Variants in ELMO1 observed in about 807,000 individuals in gnomAD.
ELMO1 encodes engulfment and cell motility 1.
ELMO1 carries 26 observed loss-of-function variants against 98.9 expected under a neutral mutation model. That is an observed-to-expected ratio of 0.26 (90% confidence interval 0.19 to 0.36). The LOEUF (loss-of-function observed/expected upper bound fraction) is 0.36. Ranked by LOEUF, ELMO1 falls within the 10% of genes least tolerant of loss-of-function variation. ELMO1 has a pLI of 1.00. For synonymous variants in ELMO1, 346 were observed against 346.0 expected (o/e 1.00, Z 0.00); for missense variants, 627 against 935.2 (o/e 0.67, Z 4.30).
At chr7:37,440,761 T>C in intron 1 of ELMO1, among the ~76,000 whole-genome samples, 1 of 128,824 alleles carries the variant, frequency 7.8e-6, no homozygotes, top group South Asian at 2.4e-4. Flanking sequence ...AGAGTGAGAC[T>C]CCATCTCAAA....
chr7:37,398,776 G>T (rs1457792431), intron 1 of ELMO1, among the ~76,000 whole-genome samples: 1 of 152,154 alleles, frequency 6.6e-6, no homozygotes, highest in East Asian at 1.9e-4. Context: ...TGACCCTTCT[G>T]CTAGACTCAG....
chr7:37,127,070 G>C (rs1786575223), intron 14 of ELMO1, among the ~76,000 whole-genome samples: 2 of 152,154 alleles, frequency 1.3e-5, no homozygotes. Flanking sequence ...AATGCCAAGA[G>C]GGGTCAGATG....
intron 1 of ELMO1, among the ~76,000 whole-genome samples, chr7:37,421,476 CA>C (rs1342051988): frequency 6.6e-5 from 10 of 152,222 alleles, no homozygotes; most frequent in Admixed American, 6.5e-4. Context: ...CAAAATATCA[CA>C]AGTTCCTTTG....
intron 19 of ELMO1, among the ~76,000 whole-genome samples, chr7:36,873,297 C>G (rs73689660): frequency 0.035 from 5,336 of 152,198 alleles, 164 homozygotes; most frequent in South Asian, 0.16. Flanking sequence ...ACTCATATCT[C>G]CAGAATCTAC....
intron 16 of ELMO1, among the ~76,000 whole-genome samples, chr7:36,933,177 A>T (rs919549320): frequency 6.6e-6 from 1 of 152,202 alleles, no homozygotes; most frequent in Non-Finnish European, 1.5e-5. Context: ...CTTTGAGAAG[A>T]CTATGAGACT....
Position 37,413,608 on chromosome 7 carries a change from G to A in ELMO1, c.-74+35067C>T, listed in dbSNP as rs369660784. On this transcript the variant is annotated intron_variant, in intron 1 of 21. Transcript: ENST00000310758. ...AGGTAACATGCAAAGTATGCCCTTA[G>A]CTCTCTTTTTCTTGCCATCTAAAGT... is the stretch of plus-strand genomic sequence containing the variant. Among the ~76,000 whole-genome samples the A allele has an allele frequency of 8.3e-4, 126 of 152,250 alleles. 1 individual carries two copies. The highest frequency in any genetic ancestry group is 3.4e-3 in the Middle Eastern group (1 of 294).
intron 16 of ELMO1, among the ~76,000 whole-genome samples, chr7:36,910,718 T>C (rs569714964): frequency 1.5e-4 from 23 of 152,286 alleles, no homozygotes; most frequent in African/African-American, 4.6e-4. Flanking sequence ...AGAGAGAATG[T>C]TGGTCAACGA....
chr7:37,328,958 A>G (rs1033163596), intron 2 of ELMO1, among the ~76,000 whole-genome samples: 3 of 152,184 alleles, frequency 2.0e-5, no homozygotes, highest in African/African-American at 7.2e-5. Context: ...TCAACACTAC[A>G]TCTTCCCTCT....
chr7:37,305,022 G>A (rs571158736), intron 4 of ELMO1, among the ~76,000 whole-genome samples: 1 of 152,280 alleles, frequency 6.6e-6, no homozygotes, highest in Admixed American at 6.5e-5. Context: ...TTCTAAGTCA[G>A]TGCCCATGTT....
intron 1 of ELMO1, among the ~76,000 whole-genome samples, chr7:37,370,528 G>A (rs1802075927): frequency 6.6e-6 from 1 of 152,020 alleles, no homozygotes; most frequent in South Asian, 2.1e-4. Context: ...CAGTGACATC[G>A]ATAATGAACA....
chr7:37,176,350 G>A (rs1413264084), intron 13 of ELMO1, among the ~76,000 whole-genome samples: 2 of 152,138 alleles, frequency 1.3e-5, no homozygotes, highest in Non-Finnish European at 2.9e-5. Flanking sequence ...ATGACAATGT[G>A]CTAAAAATAG....
chr7:37,213,198 C>T, intron 12 of ELMO1, 137 bp downstream of exon 12: 1 of 1,142,256 alleles, frequency 8.8e-7, no homozygotes, highest in Non-Finnish European at 1.2e-6. Flanking sequence ...AAGCCATGCC[C>T]CTAAGTTCTG....
chr7:37,249,346 T>G (rs74805696), intron 6 of ELMO1, among the ~76,000 whole-genome samples: 8,989 of 152,280 alleles, frequency 0.059, 331 homozygotes, highest in Middle Eastern at 0.099. Context: ...GTCATATGTA[T>G]GACAGAGTGG....
rs186055847 is a variant in ELMO1 at position 37,170,224 on chromosome 7, G to A, written c.1087-36990C>T. 1.7e-3 allele frequency among the ~76,000 whole-genome samples: 265 copies of A among 152,270 alleles called. 2 individuals are homozygous for A. Among genetic ancestry groups the A allele is most frequent in the African/African-American group, 5.7e-3 (238 of 41,556 alleles). On this transcript the variant is annotated intron_variant, in intron 13 of 21. Transcript: ENST00000310758. ...CTGGCGCAGATGCACATTTCTTTTC[G>A]TCTATTTCCAATTCTAAATTTGGGT... is the stretch of plus-strand genomic sequence containing the variant.
At chr7:37,023,744 C>T (rs1794412084) in intron 15 of ELMO1, among the ~76,000 whole-genome samples, 1 of 152,058 alleles carries the variant, frequency 6.6e-6, no homozygotes, top group East Asian at 1.9e-4. Context: ...CCAAGCCTGG[C>T]TAATTTTTGT....
In ELMO1 at chr7:36,855,872, C is replaced by A; in HGVS notation, c.1984-121G>T. 8.9e-7 allele frequency: 1 copy of A among 1,124,240 alleles called. No homozygotes were observed. Among genetic ancestry groups the A allele is most frequent in the Non-Finnish European group, 1.3e-6 (1 of 777,456 alleles). The allele number at this position is 1,124,240 out of a possible 1,614,324, so 69.6% of individuals were successfully genotyped here. On this transcript the variant is annotated intron_variant, in intron 21 of 21. Coordinates refer to ENST00000310758, the MANE Select transcript of ELMO1 (RefSeq NM_014800.11). The surrounding 1 kb of genome is among the most constrained non-coding windows in gnomAD (Gnocchi z 4.2). ...GGCTGTGCGCTAAGGGCTCTGCCTA[C>A]TTCGTCATTTCATATTTGGCGACAT...
At chr7:37,347,748 C>T (rs911448496) in intron 1 of ELMO1, among the ~76,000 whole-genome samples, 2 of 151,992 alleles carry the variant, frequency 1.3e-5, no homozygotes, top group Admixed American at 6.6e-5. Context: ...AGCATGCAAA[C>T]GGACTAATAC....
intron 4 of ELMO1, among the ~76,000 whole-genome samples, chr7:37,281,100 T>C (rs1797113978): frequency 1.3e-5 from 2 of 151,446 alleles, no homozygotes; most frequent in African/African-American, 2.4e-5. Context: ...CCAGATGAGA[T>C]TGGAGACTAT....
chr7:37,251,811 T>A (rs1795362846), intron 6 of ELMO1, among the ~76,000 whole-genome samples: 1 of 152,186 alleles, frequency 6.6e-6, no homozygotes, highest in Non-Finnish European at 1.5e-5. Context: ...GCAGATGACA[T>A]GATTGTATAA....
Sources: allele counts gnomAD v4.1 joint callset (sites outside exome capture counted in the v4.1 genomes callset), GRCh38; gene constraint gnomAD v4.1.1; non-coding constraint Gnocchi (gnomAD v3.1); transcripts MANE v1.5; gene names NCBI Gene and HGNC (gene_info 2026-07-23, HGNC 2026-07-21).